ANO1: variants seen among roughly 807,000 people sequenced by gnomAD.
ANO1 encodes the protein anoctamin-1.
A neutral mutation model predicts 124.0 loss-of-function variants in ANO1; 59 were observed. The observed-to-expected ratio is 0.48, with a 90% CI of 0.39 to 0.59. The LOEUF is 0.59. ANO1 is among the 20% of genes least tolerant of loss of function. The pLI is 0.00. For synonymous variants in ANO1, 529 were observed against 532.0 expected, an observed-to-expected ratio of 0.99 and a Z score of 0.08; for missense variants, 1,059 against 1,328.0, an observed-to-expected ratio of 0.80 and a Z score of 3.15.
intron 1 of ANO1, among the ~76,000 whole-genome samples, chr11:70,049,487 G>C (rs1555006058): frequency 6.6e-6 from 1 of 152,246 alleles, no homozygotes; most frequent in African/African-American, 2.4e-5. Context: ...AGCTGGCATG[G>C]AATAAGTGGC....
At chr11:70,020,273 C>T (rs1856777661) in intron 1 of ANO1, among the ~76,000 whole-genome samples, 1 of 152,208 alleles carries the variant, frequency 6.6e-6, no homozygotes, top group Non-Finnish European at 1.5e-5. Flanking sequence ...AGCCCACTTC[C>T]TATCCACAGG....
chr11:70,100,272 C>T (rs1156811932), intron 2 of ANO1, among the ~76,000 whole-genome samples: 1 of 152,184 alleles, frequency 6.6e-6, no homozygotes, highest in East Asian at 1.9e-4. Context: ...CCACATGCTC[C>T]TGGAGCCTGC....
At chr11:70,060,212 T>G (rs926059855) in intron 1 of ANO1, among the ~76,000 whole-genome samples, 1 of 152,164 alleles carries the variant, frequency 6.6e-6, no homozygotes, top group Non-Finnish European at 1.5e-5. Flanking sequence ...AATGTTAATG[T>G]GCATTCCTTC....
At chr11:70,173,559 A>G (rs922935626) in intron 22 of ANO1, among the ~76,000 whole-genome samples, 1 of 152,188 alleles carries the variant, frequency 6.6e-6, no homozygotes, top group African/African-American at 2.4e-5. Context: ...ACAGCCCTCC[A>G]TGGCCAGAGG....
upstream of ANO1, among the ~76,000 whole-genome samples, chr11:70,075,776 G>C (rs1331685413): frequency 6.6e-6 from 1 of 152,214 alleles, no homozygotes; most frequent in East Asian, 1.9e-4. Context: ...GGAGTGGAGA[G>C]AGAATCCCAG....
chr11:70,131,334 C>CGT (rs1565232116), intron 10 of ANO1, among the ~76,000 whole-genome samples: 1 of 133,362 alleles, frequency 7.5e-6, no homozygotes, highest in East Asian at 2.3e-4. Flanking sequence ...TGTGTGTGTG[C>CGT]GCGTCTGTGT....
chr11:70,146,019 CA>C (rs2047365019), intron 11 of ANO1, among the ~76,000 whole-genome samples: 1 of 151,574 alleles, frequency 6.6e-6, no homozygotes, highest in East Asian at 1.9e-4. Flanking sequence ...TGACCTTAGG[CA>C]AGTTACTTAA....
intron 14 of ANO1, among the ~76,000 whole-genome samples, chr11:70,155,527 G>A (rs761992316): frequency 7.9e-5 from 12 of 152,200 alleles, no homozygotes; most frequent in African/African-American, 2.9e-4. Flanking sequence ...CTAATTGGCG[G>A]ATGTGCTTGG....
At chr11:70,163,507 G>A (rs763053086) in intron 19 of ANO1, 167 bp downstream of exon 19, 7 of 783,620 alleles carry the variant, frequency 8.9e-6, no homozygotes, top group South Asian at 1.5e-5. Flanking sequence ...GGTGGGGTGG[G>A]CTTTAATCTT....
chr11:70,163,190 G>T lies in ANO1; in HGVS notation c.1893-93G>T, dbSNP rs574237664. On this transcript the variant is annotated intron_variant, in intron 18 of 25. Coordinates refer to ENST00000355303, the MANE Select transcript of ANO1 (RefSeq NM_018043.7). ...GATACCCTCGAGGCTCAGCCTGCAGGACTCACACGCTGCACAGTCCCCACT... is the reference window on the plus strand; with the variant it reads ...GATACCCTCGAGGCTCAGCCTGCAGTACTCACACGCTGCACAGTCCCCACT... The T allele has an allele frequency of 1.6e-4, 220 of 1,347,376 alleles. 2 individuals carry two copies. In the South Asian group the frequency reaches 2.9e-3, roughly 18 times the overall value. The allele number at this position is 1,347,376 out of a possible 1,614,324, so 83.5% of individuals were successfully genotyped here. A position where few individuals can be genotyped will look rare whatever the true frequency, so the allele number is the denominator to read the frequency against.
upstream of ANO1, among the ~76,000 whole-genome samples, chr11:70,074,596 T>C (rs970902430): frequency 3.3e-5 from 5 of 152,080 alleles, no homozygotes; most frequent in East Asian, 7.7e-4. Context: ...CTGATAAAGC[T>C]GGCCCCCCCA....
intron 1 of ANO1, among the ~76,000 whole-genome samples, chr11:70,065,930 C>T (rs966341615): frequency 6.6e-6 from 1 of 152,202 alleles, no homozygotes; most frequent in Admixed American, 6.5e-5. Flanking sequence ...CGCTAGCCCG[C>T]CGTCCCCTCT....
At chr11:70,085,380 C>T in intron 1 of ANO1, 1 of 1,484,558 alleles carries the variant, frequency 6.7e-7, no homozygotes, top group East Asian at 2.5e-5. Context: ...TAAGCACCCT[C>T]AGACTTTGTC....
At chr11:70,149,630 A>G (rs2047518434) in intron 11 of ANO1, 80 bp from the exon 12 acceptor site, 3 of 1,447,352 alleles carry the variant, frequency 2.1e-6, no homozygotes, top group Admixed American at 4.0e-5. Flanking sequence ...AGCCTGGGCA[A>G]CAAGAGCAAA....
At chr11:70,106,099 G>T (rs953519201) in intron 5 of ANO1, among the ~76,000 whole-genome samples, 2 of 152,146 alleles carry the variant, frequency 1.3e-5, no homozygotes, top group Admixed American at 6.5e-5. Context: ...TCTCAGAGCC[G>T]CCTCGTGGTG....
At chr11:70,077,636 G>A (rs1182989352), upstream of ANO1, among the ~76,000 whole-genome samples, 1 of 152,194 alleles carries the variant, frequency 6.6e-6, no homozygotes, top group East Asian at 1.9e-4. Flanking sequence ...GGAAAGCTCT[G>A]CAGGAGCCCC....
chr11:70,096,998 A>C (rs1290135291), intron 2 of ANO1, among the ~76,000 whole-genome samples: 3 of 152,194 alleles, frequency 2.0e-5, no homozygotes, highest in Non-Finnish European at 4.4e-5. Flanking sequence ...CCGCTGTTTC[A>C]GGTCATTGAA....
Position 70,088,187 on chromosome 11 carries a change from A to G in ANO1, c.441+103A>G, listed in dbSNP as rs565054101. 251 of 864,042 alleles carry G rather than the reference A, an allele frequency of 2.9e-4. No individual in the cohort carries two copies. In the African/African-American group the frequency reaches 4.0e-3, roughly 14 times the overall value. The allele number at this position is 864,042 out of a possible 1,614,324, so 53.5% of individuals were successfully genotyped here. A position where few individuals can be genotyped will look rare whatever the true frequency, so the allele number is the denominator to read the frequency against. On this transcript the variant is annotated intron_variant, in intron 2 of 25. Transcript: ENST00000355303. ...CATAGTCAGAGGGTGCGAGGCTGGTATCTTGTTTTAGCTTTAAGCTGTTCT... is the reference window on the plus strand; with the variant it reads ...CATAGTCAGAGGGTGCGAGGCTGGTGTCTTGTTTTAGCTTTAAGCTGTTCT...
chr11:70,155,241 A>G (rs530118865), intron 14 of ANO1, among the ~76,000 whole-genome samples: 11 of 152,372 alleles, frequency 7.2e-5, no homozygotes, highest in African/African-American at 2.6e-4. Context: ...TCTGGGCAAC[A>G]GGTGCCGGAA....
Sources: gnomAD v4.1 joint callset for allele counts (sites outside exome capture counted in the v4.1 genomes callset) on GRCh38, gnomAD v4.1.1 for gene constraint, MANE v1.5 for transcripts, NCBI Gene and HGNC (gene_info 2026-07-23, HGNC 2026-07-21) for gene names.